Variants in DUSP4 observed in about 807,000 individuals in gnomAD.
The protein encoded by DUSP4 is dual specificity protein phosphatase 4.
Under a neutral mutation model 27.2 loss-of-function variants are expected in DUSP4, and 12 were observed. The observed-to-expected ratio is 0.44, with a 90% CI of 0.28 to 0.71. The LOEUF is 0.71. Ranked by LOEUF, DUSP4 falls within the 30% of genes least tolerant of loss-of-function variation. The pLI is 0.14. For missense variants in DUSP4, 448 were observed against 551.3 expected, an observed-to-expected ratio of 0.81 and a Z score of 1.88; for synonymous variants, 257 against 245.2, an observed-to-expected ratio of 1.05 and a Z score of -0.45.
In DUSP4 at chr8:29,336,721, G is replaced by A. The variant is rs1817578434; in HGVS notation, c.*305C>T. The A allele has an allele frequency of 6.3e-6, 2 of 318,470 alleles. No individual in the cohort carries two copies. The highest frequency in any genetic ancestry group is 1.1e-5 in the Non-Finnish European group (2 of 173,916). 19.7% of individuals were successfully genotyped at this position (318,470 alleles called of 1,614,324 possible). A position where few individuals can be genotyped will look rare whatever the true frequency, so the allele number is the denominator to read the frequency against. On this transcript the variant is annotated 3_prime_UTR_variant, in exon 4 of 4. Coordinates refer to ENST00000240100, the MANE Select transcript of DUSP4 (RefSeq NM_001394.7). ...GGGTTTCATCACTTCAAGCCTTACT[G>A]CTTAAAAAAATGAGGTAAGAAATTT...
chr8:29,345,803 T>C, intron 1 of DUSP4: 1 of 1,218,586 alleles, frequency 8.2e-7, no homozygotes, highest in Non-Finnish European at 1.0e-6. Context: ...TTTTGTTAGT[T>C]GGAGACATCC....
Position 29,337,539 on chromosome 8 carries a change from G to A in DUSP4, c.800-128C>T, listed in dbSNP as rs1249563453. 7.4e-7 allele frequency: 1 copy of A among 1,343,608 alleles called. No individual in the cohort carries two copies. The highest frequency in any genetic ancestry group is 9.9e-7 in the Non-Finnish European group (1 of 1,006,186). 83.2% of individuals were successfully genotyped at this position (1,343,608 alleles called of 1,614,324 possible). ...TAGCCGTGCTAGACCAAGGACTGGA[G>A]AGGAAGAAAACCCATGTAGGCAGGT... On this transcript the variant is annotated intron_variant, in intron 3 of 3. Coordinates refer to ENST00000240100, the MANE Select transcript of DUSP4 (RefSeq NM_001394.7). This position sits in a 1 kb window ranked among gnomAD's most constrained non-coding sequence, Gnocchi z 6.4.
intron 1 of DUSP4, among the ~76,000 whole-genome samples, chr8:29,343,471 C>T (rs889650660): frequency 6.6e-6 from 1 of 152,188 alleles, no homozygotes; most frequent in African/African-American, 2.4e-5. Context: ...CAAGTCCACC[C>T]CCCACAGGGC....
chr8:29,350,136 A>T lies in DUSP4; in HGVS notation c.143T>A (p.Leu48Gln). ...GLPSGGKCLL[L>Q]DCRPFLAHSA... Reference sequence around the variant, plus strand: ...GTGCGCCAGGAACGGTCTGCAGTCCAGCAGCAGGCACTTGCCGCCGCTCGG... The same window carrying T: ...GTGCGCCAGGAACGGTCTGCAGTCCTGCAGCAGGCACTTGCCGCCGCTCGG... The change falls in exon 1 of 4, where the codon CTG (leucine) becomes CAG (glutamine). Residue 48 changes from leucine (L) to glutamine (Q), a missense_variant. Leu to Gln is a moderately radical substitution (Grantham distance 113, BLOSUM62 -2). Transcript: ENST00000240100. The T allele has an allele frequency of 6.2e-7, 1 of 1,609,436 alleles. No individual in the cohort carries two copies. Among genetic ancestry groups the T allele is most frequent in the Non-Finnish European group, 8.5e-7 (1 of 1,179,244 alleles).
rs1291642584 is a variant in DUSP4 at position 29,337,493 on chromosome 8, G to T, written c.800-82C>A. 7 of 1,503,288 alleles carry T rather than the reference G, an allele frequency of 4.7e-6. No homozygotes were observed. In the African/African-American group the frequency reaches 9.7e-5, roughly 21 times the overall value. The allele number at this position is 1,503,288 out of a possible 1,614,324, so 93.1% of individuals were successfully genotyped here. A position where few individuals can be genotyped will look rare whatever the true frequency, so the allele number is the denominator to read the frequency against. Reference sequence around the variant, plus strand: ...GGGGCACCGGCCAGCCCCTGGGGTCGGGGGGCTCTGAAGGAAGGACTAGCC... The same window carrying T: ...GGGGCACCGGCCAGCCCCTGGGGTCTGGGGGCTCTGAAGGAAGGACTAGCC... On this transcript the variant is annotated intron_variant, in intron 3 of 3. Transcript: ENST00000240100. The surrounding 1 kb of genome is among the most constrained non-coding windows in gnomAD (Gnocchi z 6.4).
At chr8:29,345,398 C>T in intron 1 of DUSP4, 1 of 1,613,758 alleles carries the variant, frequency 6.2e-7, no homozygotes, top group African/African-American at 1.3e-5. Flanking sequence ...GACACCTGGA[C>T]CTTCCTGCCA....
intron 1 of DUSP4, among the ~76,000 whole-genome samples, chr8:29,342,098 G>A (rs1817663509): frequency 6.6e-6 from 1 of 152,090 alleles, no homozygotes; most frequent in Non-Finnish European, 1.5e-5. Context: ...ATGGTTGGGT[G>A]GCCCAGGAGT....
chr8:29,333,554 G>C lies in DUSP4; in HGVS notation c.*3472C>G, dbSNP rs541580605. 6.6e-5 allele frequency: 10 copies of C among 152,392 alleles called. No homozygotes were observed. The South Asian group carries it at 2.1e-3, about 32-fold the overall frequency. 9.4% of individuals were successfully genotyped at this position (152,392 alleles called of 1,614,324 possible). A position where few individuals can be genotyped will look rare whatever the true frequency, so the allele number is the denominator to read the frequency against. ...GGGACTGGCAGTGAGGCCATGCTGA[G>C]CCAGTGGCAAACCCGTGGCTGTGGT... On this transcript the variant is annotated 3_prime_UTR_variant, in exon 4 of 4. Transcript: ENST00000240100.
intron 1 of DUSP4, chr8:29,348,385 GC>G: frequency 1.0e-6 from 1 of 985,670 alleles, no homozygotes; most frequent in African/African-American, 1.7e-5. Context: ...TCCGGGACAA[GC>G]CCCTTCCTGG....
rs750523072 is a variant in DUSP4, at chr8:29,337,385, C to T, written c.826G>A (p.Val276Met). The change falls in exon 4 of 4, where the codon GTG (valine) becomes ATG (methionine). Residue 276 changes from valine to methionine, a missense_variant. By Grantham distance (21) the Val-to-Met change is conservative. Coordinates refer to ENST00000240100, the MANE Select transcript of DUSP4 (RefSeq NM_001394.7). This position sits in a 1 kb window ranked among gnomAD's most constrained non-coding sequence, Gnocchi z 6.4. ...IDAVKDCRGRVLVHCQAGISR... is the reference protein window; with the variant it reads ...IDAVKDCRGRMLVHCQAGISR... ...ATGCCCGCCTGGCAGTGCACCAGCA[C>T]GCGCCCACGGCAGTCCTTCACGGCA... 11 of 1,608,514 alleles carry T rather than the reference C, an allele frequency of 6.8e-6. No homozygotes were observed. The highest frequency in any genetic ancestry group is 2.2e-5 in the East Asian group (1 of 44,858).
At chr8:29,346,721 T>C (rs1016394658) in intron 1 of DUSP4, among the ~76,000 whole-genome samples, 1 of 152,228 alleles carries the variant, frequency 6.6e-6, no homozygotes, top group Non-Finnish European at 1.5e-5. Flanking sequence ...TCTGAGGAAA[T>C]GTAAAGGCTA....
At chr8:29,349,823 T>G in intron 1 of DUSP4, 23 bp downstream of exon 1, 1 of 1,476,112 alleles carries the variant, frequency 6.8e-7, no homozygotes, top group Non-Finnish European at 8.9e-7. Context: ...CGACTCCAGC[T>G]AGCGCCCGGA....
Position 29,335,742 on chromosome 8 carries a change from A to C in DUSP4, c.*1284T>G, listed in dbSNP as rs1817562277. On this transcript the variant is annotated 3_prime_UTR_variant, in exon 4 of 4. Coordinates refer to ENST00000240100, the MANE Select transcript of DUSP4 (RefSeq NM_001394.7). ...GGTTTCCCCAATGGCTGGCCTTGCC[A>C]AATGATTTGCTGTAGGAAAATTTGA... is the stretch of plus-strand genomic sequence containing the variant. The C allele has an allele frequency of 6.6e-6, 1 of 152,268 alleles. No individual in the cohort carries two copies. The highest frequency in any genetic ancestry group is 1.5e-5 in the Non-Finnish European group (1 of 68,046). 9.4% of individuals were successfully genotyped at this position (152,268 alleles called of 1,614,324 possible). A position where few individuals can be genotyped will look rare whatever the true frequency, so the allele number is the denominator to read the frequency against.
intron 1 of DUSP4, chr8:29,348,031 T>G (rs567938893): frequency 1.0e-6 from 1 of 985,566 alleles, no homozygotes; most frequent in East Asian, 1.1e-4. Context: ...GAGCTGCCGC[T>G]CTAGGGCGGT....
chr8:29,347,315 C>T (rs528595995), intron 1 of DUSP4, among the ~76,000 whole-genome samples: 14 of 152,336 alleles, frequency 9.2e-5, no homozygotes, highest in Admixed American at 2.6e-4. Context: ...GGAGCAGATA[C>T]TGACTTTTTC....
At chr8:29,348,288 C>A in intron 1 of DUSP4, 1 of 985,566 alleles carries the variant, frequency 1.0e-6, no homozygotes, top group Non-Finnish European at 1.2e-6. Flanking sequence ...CTCATCTCTC[C>A]CACCAGCGCC....
chr8:29,342,218 C>G (rs1285154577), intron 1 of DUSP4, among the ~76,000 whole-genome samples: 1 of 152,210 alleles, frequency 6.6e-6, no homozygotes, highest in Non-Finnish European at 1.5e-5. Flanking sequence ...GGGTATGGAA[C>G]AGGGCACTGG....
intron 1 of DUSP4, chr8:29,348,835 C>T (rs906906159): frequency 2.0e-6 from 2 of 983,936 alleles, no homozygotes; most frequent in Non-Finnish European, 2.4e-6. Context: ...AGACCCTACC[C>T]GCGCGGAAGA....
chr8:29,341,376 C>T (rs760874180), intron 1 of DUSP4, among the ~76,000 whole-genome samples: 9 of 152,230 alleles, frequency 5.9e-5, no homozygotes, highest in Non-Finnish European at 8.8e-5. Context: ...AGACATGTGA[C>T]GGTGAGTCAG....
Sources: gnomAD v4.1 joint callset for allele counts (sites outside exome capture counted in the v4.1 genomes callset) on GRCh38, gnomAD v4.1.1 for gene constraint, Gnocchi (gnomAD v3.1) non-coding constraint, MANE v1.5 for transcripts, NCBI Gene and HGNC (gene_info 2026-07-23, HGNC 2026-07-21) for gene names.